EML6: variants seen among roughly 807,000 people sequenced by gnomAD.
The protein encoded by EML6 is echinoderm microtubule-associated protein-like 6.
In EML6, 154 loss-of-function variants were observed where a neutral mutation model predicts 240.1. That is an observed-to-expected ratio of 0.64 (90% confidence interval 0.56 to 0.73). The LOEUF is 0.73. Among genes scored for constraint, EML6 ranks in the 30% least tolerant of loss-of-function variants. The pLI is 0.00. For synonymous variants in EML6, 1,148 were observed against 899.0 expected, an observed-to-expected ratio of 1.28 and a Z score of -4.95; for missense variants, 2,964 against 2,474.6, an observed-to-expected ratio of 1.20 and a Z score of -4.20.
intron 10 of EML6, among the ~76,000 whole-genome samples, chr2:54,851,137 G>T (rs2103753239): frequency 6.6e-6 from 1 of 152,306 alleles, no homozygotes; most frequent in South Asian, 2.1e-4. Flanking sequence ...GGCCAGGCAT[G>T]GTGGCTCATG....
chr2:54,946,597 T>G (rs62134779), intron 28 of EML6, among the ~76,000 whole-genome samples: 648 of 152,318 alleles, frequency 4.3e-3, no homozygotes, highest in Non-Finnish European at 7.1e-3. Flanking sequence ...GAACACTGTT[T>G]ATAGATGCCT....
intron 38 of EML6, among the ~76,000 whole-genome samples, chr2:54,966,569 A>G (rs1369523503): frequency 6.6e-6 from 1 of 152,164 alleles, no homozygotes; most frequent in Non-Finnish European, 1.5e-5. Flanking sequence ...CTCTGTACCA[A>G]AGGTTCTTGG....
At chr2:54,898,115 C>A (rs1672863560) in intron 21 of EML6, among the ~76,000 whole-genome samples, 1 of 152,024 alleles carries the variant, frequency 6.6e-6, no homozygotes, top group African/African-American at 2.4e-5. Context: ...TGCTTTGAAG[C>A]AGTCAGCTCG....
In EML6 at chr2:54,844,106, A is replaced by G. The variant is rs1156462680; in HGVS notation, c.907A>G (p.Ser303Gly). ...CCGCCTTCTAGCAGGGACCCAGGAC[A>G]GTGAGATATTTGAAGTGATTGTGCG... is the stretch of plus-strand genomic sequence containing the variant. Reference protein sequence around the residue: ...ADRLLAGTQDSEIFEVIVRER... With the variant: ...ADRLLAGTQDGEIFEVIVRER... Residue 303 changes from serine to glycine, a missense_variant, in exon 8 of 42, where the codon AGT becomes GGT. Ser to Gly is a moderately conservative substitution (Grantham distance 56, BLOSUM62 0). Transcript: ENST00000356458. 1 of 1,551,574 alleles carries G rather than the reference A, an allele frequency of 6.4e-7. No individual in the cohort carries two copies. The highest frequency in any genetic ancestry group is 2.0e-5 in the Admixed American group (1 of 50,982).
At chr2:54,850,264 G>T in intron 10 of EML6, 46 bp downstream of exon 10, 2 of 1,517,106 alleles carry the variant, frequency 1.3e-6, no homozygotes, top group South Asian at 2.4e-5. Flanking sequence ...GCAAAATTTT[G>T]AACCAGGTGA....
intron 2 of EML6, among the ~76,000 whole-genome samples, chr2:54,732,556 T>G (rs1172768604): frequency 6.6e-6 from 1 of 152,240 alleles, no homozygotes; most frequent in Non-Finnish European, 1.5e-5. Flanking sequence ...AGACTACTTT[T>G]TCTCCATGAA....
At chr2:54,814,103 CAATG>C (rs1301259371) in intron 3 of EML6, among the ~76,000 whole-genome samples, 2 of 152,198 alleles carry the variant, frequency 1.3e-5, no homozygotes, top group Non-Finnish European at 2.9e-5. Context: ...TTGGAGTACT[CAATG>C]AATAAAGTCC....
intron 41 of EML6, among the ~76,000 whole-genome samples, chr2:54,969,116 A>G (rs1289208191): frequency 6.6e-6 from 1 of 152,194 alleles, no homozygotes; most frequent in African/African-American, 2.4e-5. Flanking sequence ...GTGCATAATC[A>G]GGAGGTTAGA....
chr2:54,783,418 T>C (rs948781836), intron 2 of EML6, among the ~76,000 whole-genome samples: 4 of 152,332 alleles, frequency 2.6e-5, no homozygotes, highest in African/African-American at 7.2e-5. Context: ...CACAAATTGT[T>C]TTCTGTAATA....
chr2:54,924,058 A>G (rs1040285461), intron 26 of EML6, among the ~76,000 whole-genome samples: 1 of 152,216 alleles, frequency 6.6e-6, no homozygotes, highest in African/African-American at 2.4e-5. Context: ...GTTTTTGGTT[A>G]TAGTAAAGCT....
chr2:54,818,611 A>T (rs1668185336), intron 4 of EML6, among the ~76,000 whole-genome samples: 1 of 152,200 alleles, frequency 6.6e-6, no homozygotes, highest in South Asian at 2.1e-4. Context: ...GCTCAATTCA[A>T]CTCTGTTAAA....
intron 17 of EML6, chr2:54,880,470 A>C (rs1023202140): frequency 2.6e-5 from 4 of 152,186 alleles, no homozygotes; most frequent in Non-Finnish European, 5.9e-5. Context: ...TACAATATTA[A>C]ATAGGAAAAA....
chr2:54,927,197 C>T (rs1674596226), intron 26 of EML6, among the ~76,000 whole-genome samples: 1 of 152,192 alleles, frequency 6.6e-6, no homozygotes, highest in Non-Finnish European at 1.5e-5. Context: ...TTTCTAGGCT[C>T]AGTACTCTGC....
chr2:54,860,076 A>C (rs1670595586), intron 12 of EML6, among the ~76,000 whole-genome samples: 1 of 152,092 alleles, frequency 6.6e-6, no homozygotes, highest in Non-Finnish European at 1.5e-5. Context: ...CAACTGAGAA[A>C]ACATCCACAT....
At chr2:54,803,790 C>T (rs1670306595) in intron 2 of EML6, among the ~76,000 whole-genome samples, 1 of 152,122 alleles carries the variant, frequency 6.6e-6, no homozygotes, top group Non-Finnish European at 1.5e-5. Context: ...AGTTTTGAAA[C>T]AATTGAAATT....
chr2:54,791,206 A>G (rs1433061091), intron 2 of EML6, among the ~76,000 whole-genome samples: 1 of 152,150 alleles, frequency 6.6e-6, no homozygotes, highest in African/African-American at 2.4e-5. Context: ...CCTGAGTTGC[A>G]CGTGGGAACA....
At position 54,871,569 on chromosome 2, in the gene EML6, C is replaced by G. The variant is rs1671257381; in HGVS notation, c.2308C>G (p.Gln770Glu). The change falls in exon 16 of 42, where the codon CAA (glutamine) becomes GAA (glutamate). Residue 770 changes from glutamine to glutamate, a missense_variant. Transcript: ENST00000356458. ...TLKCLSLLKG[Q>E]HQRGVCALDF... ...AAAATGTTTGTCGCTGTTGAAAGGA[C>G]AACATCAGAGAGGAGTGTGTGCACT... 1 of 1,551,668 alleles carries G rather than the reference C, an allele frequency of 6.4e-7. No individual in the cohort carries two copies. The highest frequency in any genetic ancestry group is 8.7e-7 in the Non-Finnish European group (1 of 1,146,912).
intron 28 of EML6, among the ~76,000 whole-genome samples, chr2:54,939,933 G>A (rs759136838): frequency 7.2e-4 from 110 of 152,172 alleles, no homozygotes; most frequent in African/African-American, 1.6e-3. Context: ...ACGAGGAGGC[G>A]GTGCCAGAAT....
intron 28 of EML6, among the ~76,000 whole-genome samples, chr2:54,937,582 A>G (rs1053020525): frequency 2.3e-5 from 3 of 130,386 alleles, no homozygotes; most frequent in Non-Finnish European, 5.0e-5. Flanking sequence ...AAAAAAAAAA[A>G]GTAGAAAAGT....
Sources: allele counts gnomAD v4.1 joint callset (sites outside exome capture counted in the v4.1 genomes callset), GRCh38; gene constraint gnomAD v4.1.1; transcripts MANE v1.5; gene names NCBI Gene and HGNC (gene_info 2026-07-23, HGNC 2026-07-21).